VPS13A: variants seen among roughly 807,000 people sequenced by gnomAD.
VPS13A encodes intermembrane lipid transfer protein VPS13A.
A neutral mutation model predicts 390.9 loss-of-function variants in VPS13A; 264 were observed. That is an observed-to-expected ratio of 0.68 (90% confidence interval 0.61 to 0.75). The LOEUF (loss-of-function observed/expected upper bound fraction) is 0.75. Among genes scored for constraint, VPS13A ranks in the 30% least tolerant of loss-of-function variants. The probability of loss-of-function intolerance (pLI) is 0.00; values close to 1 mark genes in which losing one functional copy is unlikely to be tolerated. For missense variants in VPS13A, 3,409 were observed against 3,733.9 expected (o/e 0.91, Z 2.27); for synonymous variants, 1,231 against 1,227.1 (o/e 1.00, Z -0.07).
At chr9:77,246,874 T>C (rs967984978) in intron 19 of VPS13A, among the ~76,000 whole-genome samples, 1 of 152,320 alleles carries the variant, frequency 6.6e-6, no homozygotes, top group African/African-American at 2.4e-5. Flanking sequence ...TCAAGTGTTA[T>C]TGTTCAGTAT....
At chr9:77,290,181 A>C (rs545333304) in intron 31 of VPS13A, among the ~76,000 whole-genome samples, 1 of 152,000 alleles carries the variant, frequency 6.6e-6, no homozygotes, top group Admixed American at 6.6e-5. Flanking sequence ...ATTTCACCCT[A>C]ATTTTTCTGA....
At chr9:77,403,422 A>G in intron 69 of VPS13A, 101 bp downstream of exon 69, 1 of 983,508 alleles carries the variant, frequency 1.0e-6, no homozygotes, top group South Asian at 1.3e-5. Context: ...ATATAGTCAC[A>G]CTGATTCTTG....
At position 77,334,597 on chromosome 9, in the gene VPS13A, TACCTATC is replaced by T. The variant is rs578117541; in HGVS notation, c.6095+2487_6095+2493del. On this transcript the variant is annotated intron_variant, in intron 46 of 71. Coordinates refer to ENST00000360280, the MANE Select transcript of VPS13A (RefSeq NM_033305.3). Reference sequence around the variant, plus strand: ...TCTACTCTAAACATATGTTTTTTGGTACCTATCACAATGCAGTAGTTATCTTTTAACA... The same window carrying T: ...TCTACTCTAAACATATGTTTTTTGGTACAATGCAGTAGTTATCTTTTAACA... 4.7e-3 allele frequency among the ~76,000 whole-genome samples: 723 copies of T among 152,302 alleles called. 4 individuals carry two copies. The highest frequency in any genetic ancestry group is 0.016 in the African/African-American group (654 of 41,572).
chr9:77,374,853 G>A (rs757710522), intron 67 of VPS13A, among the ~76,000 whole-genome samples: 1 of 152,078 alleles, frequency 6.6e-6, no homozygotes, highest in Non-Finnish European at 1.5e-5. Flanking sequence ...AAAGTTAGGT[G>A]GGTGGCTGTC....
chr9:77,402,128 G>A (rs1834420039), intron 68 of VPS13A, among the ~76,000 whole-genome samples: 1 of 151,998 alleles, frequency 6.6e-6, no homozygotes, highest in African/African-American at 2.4e-5. Flanking sequence ...AAGTGTTTGT[G>A]TTTATTTGCC....
Position 77,415,982 on chromosome 9 carries a change from A to G in VPS13A, c.9501A>G (p.Ala3167=), listed in dbSNP as rs896250515. 6.2e-7 allele frequency: 1 copy of G among 1,613,598 alleles called. No homozygotes were observed. Among genetic ancestry groups the G allele is most frequent in the Non-Finnish European group, 8.5e-7 (1 of 1,179,578 alleles). The change falls in exon 72 of 72, where the codon GCA becomes GCG. Residue 3167 remains alanine, a synonymous_variant. Transcript: ENST00000360280. ...GGATCCTCACAAAGCTACAAGAAGC[A>G]AGAGAACCTTCTCCGAGCCTCTGAC... ...ARWILTKLQE[A]REPSPSL
chr9:77,340,435 A>C lies in VPS13A; in HGVS notation c.6911A>C (p.Asn2304Thr). 1 of 1,613,514 alleles carries C rather than the reference A, an allele frequency of 6.2e-7. No homozygotes were observed. Among genetic ancestry groups the C allele is most frequent in the South Asian group, 1.1e-5 (1 of 91,064 alleles). The change falls in exon 50 of 72, where the codon AAC becomes ACC. Residue 2304 changes from asparagine to threonine, a missense_variant. Asn to Thr is a moderately conservative substitution (Grantham distance 65). Around this residue, in one of 5 missense-constraint regions of VPS13A, gnomAD observed 2,717 missense variants for 2,917.4 expected, o/e 0.93. Coordinates refer to ENST00000360280, the MANE Select transcript of VPS13A (RefSeq NM_033305.3). The stretch of plus-strand genomic sequence containing the variant: ...GTCACTATAGACCTGAGCAGTTTTA[A>C]CATTACTAGAATTGTGACATTTACC... ...VGVTIDLSSF[N>T]ITRIVTFTPF...
At chr9:77,305,034 G>T (rs1370344018) in intron 34 of VPS13A, among the ~76,000 whole-genome samples, 2 of 151,844 alleles carry the variant, frequency 1.3e-5, no homozygotes, top group African/African-American at 4.8e-5. Flanking sequence ...CGCCTCTGGG[G>T]TTCACGCCAT....
At chr9:77,407,351 A>C (rs1356047775) in intron 70 of VPS13A, among the ~76,000 whole-genome samples, 182 bp from the exon 71 acceptor site, 7 of 152,122 alleles carry the variant, frequency 4.6e-5, no homozygotes, top group Admixed American at 4.6e-4. Flanking sequence ...TTATTAATAG[A>C]ATGTAGTCTT....
chr9:77,252,451 A>C lies in VPS13A; in HGVS notation c.2288+99A>C. 3 of 968,672 alleles carry C rather than the reference A, an allele frequency of 3.1e-6. No individual in the cohort carries two copies. In the South Asian group the frequency reaches 3.9e-5, roughly 12 times the overall value. The allele number at this position is 968,672 out of a possible 1,614,324, so 60.0% of individuals were successfully genotyped here. A position where few individuals can be genotyped will look rare whatever the true frequency, so the allele number is the denominator to read the frequency against. ...TGACTCTTCCTTGTGTGTGTGGTGA[A>C]ATGTATATAACTGACTCTTCCTTGT... On this transcript the variant is annotated intron_variant, in intron 22 of 71. Transcript: ENST00000360280.
At chr9:77,186,593 A>C (rs1366648923) in intron 1 of VPS13A, among the ~76,000 whole-genome samples, 1 of 152,084 alleles carries the variant, frequency 6.6e-6, no homozygotes, top group East Asian at 1.9e-4. Context: ...GCATGCCACC[A>C]TGCCCAGCTA....
chr9:77,277,798 G>GT (rs1826774188), intron 26 of VPS13A, among the ~76,000 whole-genome samples: 1 of 152,108 alleles, frequency 6.6e-6, no homozygotes, highest in Admixed American at 6.5e-5. Context: ...ATGCACCACA[G>GT]TTTATTTATC....
chr9:77,371,764 G>A (rs867634044), intron 67 of VPS13A, among the ~76,000 whole-genome samples: 1 of 145,092 alleles, frequency 6.9e-6, no homozygotes, highest in African/African-American at 2.6e-5. Flanking sequence ...CCACTAACTC[G>A]TCATCTAGCA....
intron 23 of VPS13A, among the ~76,000 whole-genome samples, chr9:77,270,707 T>C (rs1403045234): frequency 1.3e-5 from 2 of 151,500 alleles, no homozygotes; most frequent in Admixed American, 6.6e-5. Context: ...AAAAAAAAAA[T>C]TGTACAATAT....
At chr9:77,407,694 G>A in intron 71 of VPS13A, 87 bp downstream of exon 71, 2 of 1,058,684 alleles carry the variant, frequency 1.9e-6, no homozygotes, top group South Asian at 1.4e-5. Flanking sequence ...GATAAGTTTT[G>A]TTTGGGGGTT....
At position 77,416,372 on chromosome 9, in the gene VPS13A, A is replaced by G. The variant is rs1298217535; in HGVS notation, c.*366A>G. On this transcript the variant is annotated 3_prime_UTR_variant, in exon 72 of 72. Transcript: ENST00000360280. ...CATAATTCATCTCCACATGGAGCCA[A>G]GTTTAATGTTTCTAGTTCACATTTT... 7 of 232,424 alleles carry G rather than the reference A, an allele frequency of 3.0e-5. No individual in the cohort carries two copies. Among genetic ancestry groups the G allele is most frequent in the Non-Finnish European group, 6.0e-5 (7 of 115,894 alleles). 14.4% of individuals were successfully genotyped at this position (232,424 alleles called of 1,614,324 possible).
Position 77,219,972 on chromosome 9 carries a change from C to G in VPS13A, c.773C>G (p.Ala258Gly). 1 of 1,613,522 alleles carries G rather than the reference C, an allele frequency of 6.2e-7. No individual in the cohort carries two copies. Among genetic ancestry groups the G allele is most frequent in the African/African-American group, 1.3e-5 (1 of 74,988 alleles). Residue 258 changes from alanine to glycine, a missense_variant, in exon 11 of 72, where the codon GCT (alanine) becomes GGT (glycine). Around this residue, in one of 5 missense-constraint regions of VPS13A, gnomAD observed 2,717 missense variants for 2,917.4 expected, o/e 0.93. Coordinates refer to ENST00000360280, the MANE Select transcript of VPS13A (RefSeq NM_033305.3). The stretch of plus-strand genomic sequence containing the variant: ...TTTTCAGTATTTCGTCCCATATCTG[C>G]TAATGCCAAACTTGTGATGAATCGC... Reference protein sequence around the residue: ...GYDFVFRPISANAKLVMNRRS... With the variant: ...GYDFVFRPISGNAKLVMNRRS...
Position 77,370,576 on chromosome 9 carries a change from T to A in VPS13A, c.8905T>A (p.Ser2969Thr). The A allele has an allele frequency of 1.2e-6, 2 of 1,614,106 alleles. No individual in the cohort carries two copies. Among genetic ancestry groups the A allele is most frequent in the Non-Finnish European group, 1.7e-6 (2 of 1,180,004 alleles). ...CACTCGTGGAGGAAAAGGCTTAGTT[T>A]CTGTAAGAAATTTCACAGGGTTGTG... is the stretch of plus-strand genomic sequence containing the variant. ...GITRGGKGLVSGFVSGITGIV... is the reference protein window; with the variant it reads ...GITRGGKGLVTGFVSGITGIV... Residue 2969 changes from serine to threonine, a missense_variant and splice_region_variant, in exon 65 of 72, where the codon TCT (serine) becomes ACT (threonine). Ser to Thr is a moderately conservative substitution (Grantham distance 58). This residue lies in a region of VPS13A where 318 missense variants were observed against 333.7 expected (regional missense o/e 0.95). Transcript: ENST00000360280.
chr9:77,275,719 AT>A, intron 25 of VPS13A, 67 bp downstream of exon 25: 2 of 1,510,644 alleles, frequency 1.3e-6, no homozygotes, highest in South Asian at 2.3e-5. Flanking sequence ...AGCTTACTAT[AT>A]AGTCTCATTG....
Sources: gnomAD v4.1 joint callset for allele counts (sites outside exome capture counted in the v4.1 genomes callset) on GRCh38, gnomAD v4.1.1 for gene constraint, gnomAD v4.1.1 regional missense constraint, MANE v1.5 for transcripts, NCBI Gene and HGNC (gene_info 2026-07-23, HGNC 2026-07-21) for gene names.